The following OBI1 variants were observed in gnomAD, a reference collection of about 807,000 sequenced individuals.
OBI1 encodes the protein ring finger protein 219.
A neutral mutation model predicts 62.4 loss-of-function variants in OBI1; 59 were observed. The ratio of observed to expected loss-of-function variants is 0.95; its 90% CI spans 0.77 to 1.17. The LOEUF is 1.17. Among genes scored for constraint, OBI1 ranks in the 50% most tolerant of loss-of-function variants. The probability of loss-of-function intolerance (pLI) is 0.00; values close to 1 mark genes in which losing one functional copy is unlikely to be tolerated. For missense variants in OBI1, 875 were observed against 830.9 expected (o/e 1.05, Z -0.65); for synonymous variants, 302 against 292.8 (o/e 1.03, Z -0.32).
At chr13:78,639,132 C>G (rs1280311865) in intron 3 of OBI1, 61 bp from the exon 4 acceptor site, 1 of 1,504,930 alleles carries the variant, frequency 6.6e-7, no homozygotes, top group Non-Finnish European at 8.9e-7. Flanking sequence ...CATACATATG[C>G]TAAACTGAAG....
chr13:78,656,680 T>C (rs1325308994), intron 1 of OBI1, among the ~76,000 whole-genome samples: 2 of 116,848 alleles, frequency 1.7e-5, no homozygotes, highest in Non-Finnish European at 3.3e-5. Context: ...CTAGCCTGAA[T>C]GTAGAACTCA....
chr13:78,655,250 G>A (rs1182678010), intron 1 of OBI1, among the ~76,000 whole-genome samples: 2 of 152,066 alleles, frequency 1.3e-5, no homozygotes, highest in Middle Eastern at 3.2e-3. Context: ...GTAACAGCCT[G>A]GTGGCACTAT....
At chr13:78,645,173 T>G (rs1876344963) in intron 1 of OBI1, among the ~76,000 whole-genome samples, 176 bp from the exon 2 acceptor site, 1 of 151,812 alleles carries the variant, frequency 6.6e-6, no homozygotes, top group African/African-American at 2.4e-5. Flanking sequence ...TACACATGTT[T>G]AACAGAGATA....
In OBI1 at chr13:78,639,072, C is replaced by G. The variant is rs754700335; in HGVS notation, c.301-1G>C. The stretch of plus-strand genomic sequence containing the variant: ...CTTTCTGTAAACAATCTATTTCGTC[C>G]TGAAAAAGCATTGCATAGTCATGAG... On this transcript the variant is annotated splice_acceptor_variant, in intron 3 of 5. Coordinates refer to ENST00000282003, the MANE Select transcript of OBI1 (RefSeq NM_024546.4). LOFTEE classifies it high-confidence loss of function. The G allele has an allele frequency of 6.2e-7, 1 of 1,610,954 alleles. No individual in the cohort carries two copies. Among genetic ancestry groups the G allele is most frequent in the Non-Finnish European group, 8.5e-7 (1 of 1,178,696 alleles).
rs76180007 is a variant in OBI1 at position 78,635,645 on chromosome 13, A to G, written c.550-447T>C. Among the ~76,000 whole-genome samples, 1,002 of 152,324 alleles carry G rather than the reference A, an allele frequency of 6.6e-3. 7 individuals carry two copies. The highest frequency in any genetic ancestry group is 0.023 in the African/African-American group (962 of 41,568). On this transcript the variant is annotated intron_variant, in intron 4 of 5. Coordinates refer to ENST00000282003, the MANE Select transcript of OBI1 (RefSeq NM_024546.4). The stretch of plus-strand genomic sequence containing the variant: ...GTTTAAAAATTTTTTTCTAGTGATA[A>G]CAAATCTAATATGATTTAACCACTT...
chr13:78,659,039 C>T lies in OBI1; in HGVS notation c.72+10G>A, dbSNP rs1356060315. ...CCCGTTTTGTAGCTGTGCCCACAAT[C>T]ACCCATTACCTTCCCCAAGCAAATG... On this transcript the variant is annotated intron_variant, in intron 1 of 5. Coordinates refer to ENST00000282003, the MANE Select transcript of OBI1 (RefSeq NM_024546.4). The T allele has an allele frequency of 6.8e-6, 11 of 1,611,500 alleles. No individual in the cohort carries two copies. Among genetic ancestry groups the T allele is most frequent in the Non-Finnish European group, 8.5e-6 (10 of 1,178,254 alleles).
chr13:78,649,242 G>T (rs1462938028), intron 1 of OBI1, among the ~76,000 whole-genome samples: 2 of 152,194 alleles, frequency 1.3e-5, no homozygotes, highest in African/African-American at 2.4e-5. Flanking sequence ...CTGGAGAAAA[G>T]AAGGCACTCC....
chr13:78,644,387 T>G (rs1219318855), intron 2 of OBI1, among the ~76,000 whole-genome samples: 1 of 152,234 alleles, frequency 6.6e-6, no homozygotes, highest in Admixed American at 6.5e-5. Flanking sequence ...TACTGATCAT[T>G]TCTAAAAACA....
Position 78,633,450 on chromosome 13 carries a change from C to T in OBI1, c.638+1660G>A, listed in dbSNP as rs547777761. On this transcript the variant is annotated intron_variant, in intron 5 of 5. Coordinates refer to ENST00000282003, the MANE Select transcript of OBI1 (RefSeq NM_024546.4). ...TCCTTTTCAAATGACAAGCAGAGAG[C>T]TATTTCTGGTAGGATAAATTTCCAT... is the stretch of plus-strand genomic sequence containing the variant. Among the ~76,000 whole-genome samples the T allele has an allele frequency of 7.2e-5, 11 of 152,212 alleles. No homozygotes were observed. In the South Asian group the frequency reaches 2.3e-3, roughly 32 times the overall value.
At chr13:78,651,206 A>G (rs925613352) in intron 1 of OBI1, among the ~76,000 whole-genome samples, 7 of 152,130 alleles carry the variant, frequency 4.6e-5, no homozygotes, top group Non-Finnish European at 8.8e-5. Flanking sequence ...CTTCACCCCA[A>G]TGAATTTAAG....
rs765271663 is a variant in OBI1, at chr13:78,615,567, C to T, written c.*13G>A. Reference sequence around the variant, plus strand: ...TCTCAGGACAAAACCACAAATGACACCTTTCTAATGAGTCAACTTTTAGTT... The same window carrying T: ...TCTCAGGACAAAACCACAAATGACATCTTTCTAATGAGTCAACTTTTAGTT... On this transcript the variant is annotated 3_prime_UTR_variant, in exon 6 of 6. Transcript: ENST00000282003. 1 of 1,552,854 alleles carries T rather than the reference C, an allele frequency of 6.4e-7. No homozygotes were observed. Among genetic ancestry groups the T allele is most frequent in the Non-Finnish European group, 8.7e-7 (1 of 1,149,952 alleles).
At chr13:78,654,852 TAATTA>T (rs1050759956) in intron 1 of OBI1, among the ~76,000 whole-genome samples, 2 of 152,158 alleles carry the variant, frequency 1.3e-5, no homozygotes, top group African/African-American at 2.4e-5. Flanking sequence ...AAAAATATTT[TAATTA>T]AAGATTCCCT....
intron 5 of OBI1, among the ~76,000 whole-genome samples, chr13:78,634,873 C>A (rs1486241586): frequency 6.6e-6 from 1 of 152,144 alleles, no homozygotes; most frequent in East Asian, 1.9e-4. Context: ...TGTTAGGTCA[C>A]ATTATTCACC....
At position 78,656,734 on chromosome 13, in the gene OBI1, G is replaced by A. The variant is rs1221053358; in HGVS notation, c.72+2315C>T. Among the ~76,000 whole-genome samples the A allele has an allele frequency of 1.7e-3, 213 of 128,324 alleles. 8 individuals are homozygous for A. Among genetic ancestry groups the A allele is most frequent in the African/African-American group, 5.9e-3 (202 of 34,190 alleles). 84.2% of individuals were successfully genotyped at this position (128,324 alleles called of 152,430 possible). ...CTTTCTGCTTCCATGGTACCTGGGG[G>A]GGGGGGGGGAGGAGCCTGTTTAAAA... On this transcript the variant is annotated intron_variant, in intron 1 of 5. Transcript: ENST00000282003.
At chr13:78,636,339 A>G (rs1377957043) in intron 4 of OBI1, among the ~76,000 whole-genome samples, 1 of 152,118 alleles carries the variant, frequency 6.6e-6, no homozygotes, top group East Asian at 1.9e-4. Flanking sequence ...CTAGAAACCA[A>G]CCTCACTAAC....
intron 4 of OBI1, among the ~76,000 whole-genome samples, chr13:78,635,678 T>TC (rs1363094168): frequency 4.6e-5 from 7 of 152,212 alleles, no homozygotes; most frequent in Non-Finnish European, 1.0e-4. Flanking sequence ...CTTGATTTTT[T>TC]CTCTTCAAAA....
In OBI1 at chr13:78,642,204, C is replaced by T; in HGVS notation, c.218G>A (p.Ser73Asn). The change falls in exon 3 of 6, where the codon AGT becomes AAT. Residue 73 changes from serine to asparagine, a missense_variant. Ser to Asn is a conservative substitution (Grantham distance 46, BLOSUM62 1). Coordinates refer to ENST00000282003, the MANE Select transcript of OBI1 (RefSeq NM_024546.4). ...NPCKEIIGGT[S>N]ESEPMLSHTV... The stretch of plus-strand genomic sequence containing the variant: ...ATGGCTTAGCATAGGTTCACTTTCA[C>T]TTGTTCCTCCTGTAGGGAAAAAAAA... 1.3e-6 allele frequency: 2 copies of T among 1,596,752 alleles called. No homozygotes were observed. Among genetic ancestry groups the T allele is most frequent in the African/African-American group, 1.3e-5 (1 of 74,470 alleles).
At chr13:78,656,439 G>A (rs559947907) in intron 1 of OBI1, among the ~76,000 whole-genome samples, 4 of 151,950 alleles carry the variant, frequency 2.6e-5, no homozygotes, top group Admixed American at 6.6e-5. Flanking sequence ...AAAATTTGCC[G>A]GGCGTGGTGG....
chr13:78,651,440 G>C (rs1164142438), intron 1 of OBI1, among the ~76,000 whole-genome samples: 1 of 152,014 alleles, frequency 6.6e-6, no homozygotes, highest in Non-Finnish European at 1.5e-5. Context: ...CATTTCCCTT[G>C]ACCTACCATT....
Sources: allele counts gnomAD v4.1 joint callset (sites outside exome capture counted in the v4.1 genomes callset), GRCh38; gene constraint gnomAD v4.1.1; transcripts MANE v1.5; gene names NCBI Gene and HGNC (gene_info 2026-07-23, HGNC 2026-07-21).